Variants in CCSER1 observed in about 807,000 individuals in gnomAD.
The protein encoded by CCSER1 is coiled-coil serine rich protein 1.
CCSER1 carries 41 observed loss-of-function variants against 82.0 expected under a neutral mutation model. The ratio of observed to expected loss-of-function variants is 0.50; its 90% confidence interval spans 0.39 to 0.65. The LOEUF (loss-of-function observed/expected upper bound fraction) is 0.65. Among genes scored for constraint, CCSER1 ranks in the 30% least tolerant of loss-of-function variants. The probability of loss-of-function intolerance (pLI) is 0.00; values close to 1 mark genes in which losing one functional copy is unlikely to be tolerated. For synonymous variants in CCSER1, 414 were observed against 383.9 expected (o/e 1.08, Z -0.92); for missense variants, 1,119 against 1,064.2 (o/e 1.05, Z -0.72).
At chr4:90,411,170 T>C (rs1254778828) in intron 4 of CCSER1, among the ~76,000 whole-genome samples, 2 of 152,102 alleles carry the variant, frequency 1.3e-5, no homozygotes, top group Non-Finnish European at 2.9e-5. Flanking sequence ...ACCAGATGGA[T>C]TCACAGCCGA....
At chr4:91,291,666 G>A (rs1391080392) in intron 10 of CCSER1, among the ~76,000 whole-genome samples, 1 of 151,950 alleles carries the variant, frequency 6.6e-6, no homozygotes, top group Non-Finnish European at 1.5e-5. Context: ...CAAGGGGACG[G>A]TGCTAAACCA....
chr4:90,566,098 T>C (rs575123873), intron 5 of CCSER1, among the ~76,000 whole-genome samples: 1 of 151,736 alleles, frequency 6.6e-6, no homozygotes, highest in African/African-American at 2.4e-5. Flanking sequence ...CCTCAAATGA[T>C]CCACCTGCCT....
Position 90,308,402 on chromosome 4 carries a change from G to C in CCSER1, c.118G>C (p.Gly40Arg), listed in dbSNP as rs192580573. ...TTCACCTTCTTCCAGTAATACAGTT[G>C]GTGTCCACAGTTCCTCTCCTTCCAG... ...PSSPSSSNTV[G>R]VHSSSPSSTN... The change falls in exon 2 of 11, where the codon GGT (glycine) becomes CGT (arginine). Residue 40 changes from glycine to arginine, a missense_variant. Coordinates refer to ENST00000509176, the MANE Select transcript of CCSER1 (RefSeq NM_001145065.2). 1,002 of 1,613,680 alleles carry C rather than the reference G, an allele frequency of 6.2e-4. No individual in the cohort carries two copies. The African/African-American group carries it at 0.011, about 18-fold the overall frequency.
At chr4:90,292,684 G>C (rs1006729821) in intron 1 of CCSER1, among the ~76,000 whole-genome samples, 7 of 151,702 alleles carry the variant, frequency 4.6e-5, no homozygotes, top group Admixed American at 2.6e-4. Context: ...TAAAAAAAAA[G>C]CTGCAATTGT....
intron 9 of CCSER1, among the ~76,000 whole-genome samples, chr4:90,960,280 G>A (rs578261697): frequency 6.6e-6 from 1 of 152,132 alleles, no homozygotes; most frequent in Admixed American, 6.6e-5. Flanking sequence ...TTCTGAAATG[G>A]ATTCAGCCAT....
chr4:90,334,612 G>A (rs1462324651), intron 3 of CCSER1, among the ~76,000 whole-genome samples: 1 of 151,364 alleles, frequency 6.6e-6, no homozygotes, highest in Non-Finnish European at 1.5e-5. Flanking sequence ...ATTCAATTAT[G>A]CATTGTTTTA....
At chr4:90,621,493 C>A (rs552332411) in intron 5 of CCSER1, among the ~76,000 whole-genome samples, 1 of 150,350 alleles carries the variant, frequency 6.7e-6, no homozygotes, top group African/African-American at 2.4e-5. Flanking sequence ...TTATAATGTC[C>A]TTTTCTCTGC....
chr4:90,380,381 G>A (rs1322462272), intron 3 of CCSER1, among the ~76,000 whole-genome samples: 1 of 152,068 alleles, frequency 6.6e-6, no homozygotes, highest in Non-Finnish European at 1.5e-5. Flanking sequence ...TAATATTTTA[G>A]TTACTTAATT....
At chr4:91,299,457 G>A (rs1425405269) in intron 10 of CCSER1, among the ~76,000 whole-genome samples, 1 of 152,034 alleles carries the variant, frequency 6.6e-6, no homozygotes, top group East Asian at 1.9e-4. Flanking sequence ...GGACTTATCT[G>A]TGCATCATAC....
intron 6 of CCSER1, among the ~76,000 whole-genome samples, chr4:90,702,606 CT>C (rs1265195987): frequency 2.0e-5 from 3 of 152,080 alleles, no homozygotes. Context: ...TGGTCCCGTA[CT>C]TTTTTTGATT....
intron 10 of CCSER1, among the ~76,000 whole-genome samples, chr4:91,147,276 G>A (rs2148943177): frequency 6.6e-6 from 1 of 152,282 alleles, no homozygotes; most frequent in South Asian, 2.1e-4. Context: ...CAGCTGTGGG[G>A]CTTGCCCAGC....
intron 10 of CCSER1, among the ~76,000 whole-genome samples, chr4:91,358,346 T>TTTC (rs1748998547): frequency 6.7e-6 from 1 of 150,366 alleles, no homozygotes; most frequent in Non-Finnish European, 1.5e-5. Context: ...TTTTTTTTTT[T>TTTC]AACATAGTTC....
chr4:90,574,978 T>C (rs1030128734), intron 5 of CCSER1, among the ~76,000 whole-genome samples: 1 of 151,978 alleles, frequency 6.6e-6, no homozygotes, highest in Admixed American at 6.5e-5. Flanking sequence ...TTTCAAGTTC[T>C]TGTTTTTTAC....
intron 10 of CCSER1, among the ~76,000 whole-genome samples, chr4:91,092,915 A>G (rs896794750): frequency 6.6e-5 from 10 of 152,128 alleles, no homozygotes; most frequent in Non-Finnish European, 1.2e-4. Flanking sequence ...GTCCCTTGCA[A>G]TGCATGACTG....
At chr4:90,963,993 T>A (rs918819935) in intron 9 of CCSER1, among the ~76,000 whole-genome samples, 3 of 152,006 alleles carry the variant, frequency 2.0e-5, no homozygotes, top group Non-Finnish European at 4.4e-5. Context: ...TTGTGTGATT[T>A]CCAGCAGTTC....
intron 1 of CCSER1, among the ~76,000 whole-genome samples, chr4:90,242,508 A>G (rs143633927): frequency 6.6e-5 from 10 of 152,284 alleles, no homozygotes; most frequent in African/African-American, 2.4e-4. Flanking sequence ...TATGAAAAGG[A>G]TGATGATAAT....
At chr4:91,401,842 T>C (rs1339978546) in intron 10 of CCSER1, among the ~76,000 whole-genome samples, 1 of 152,172 alleles carries the variant, frequency 6.6e-6, no homozygotes, top group Non-Finnish European at 1.5e-5. Context: ...CTATTGTGAA[T>C]AGTGCCACAA....
intron 3 of CCSER1, among the ~76,000 whole-genome samples, chr4:90,362,358 TA>T (rs1228784799): frequency 6.6e-6 from 1 of 152,190 alleles, no homozygotes; most frequent in East Asian, 1.9e-4. Flanking sequence ...AATATAAACT[TA>T]TACAGTTAAA....
At chr4:90,223,943 C>A (rs766624745) in intron 1 of CCSER1, among the ~76,000 whole-genome samples, 2 of 152,148 alleles carry the variant, frequency 1.3e-5, no homozygotes, top group African/African-American at 4.8e-5. Flanking sequence ...TCTTTTTCAT[C>A]TTTGTATCTC....
Sources: gnomAD v4.1 joint callset for allele counts (sites outside exome capture counted in the v4.1 genomes callset) on GRCh38, gnomAD v4.1.1 for gene constraint, MANE v1.5 for transcripts, NCBI Gene and HGNC (gene_info 2026-07-23, HGNC 2026-07-21) for gene names.